Variants in ERBB4 observed in about 807,000 individuals in gnomAD.
ERBB4 encodes erb-b2 receptor tyrosine kinase 4.
Under a neutral mutation model 158.0 loss-of-function variants are expected in ERBB4, and 42 were observed. The ratio of observed to expected loss-of-function variants is 0.27; its 90% CI spans 0.21 to 0.34. The LOEUF (loss-of-function observed/expected upper bound fraction) is 0.34, where lower values mean the gene tolerates loss of function less well. Among genes scored for constraint, ERBB4 ranks in the 10% least tolerant of loss-of-function variants. The pLI is 1.00. For synonymous variants in ERBB4, 583 were observed against 558.7 expected (o/e 1.04, Z -0.61); for missense variants, 1,333 against 1,624.1 (o/e 0.82, Z 3.08).
chr2:212,169,671 C>T (rs1250888790), intron 1 of ERBB4, among the ~76,000 whole-genome samples: 2 of 152,148 alleles, frequency 1.3e-5, no homozygotes, highest in African/African-American at 4.8e-5. Flanking sequence ...TTGTAATCTC[C>T]ATAATTCCCG....
At chr2:212,245,823 G>T (rs2084287439) in intron 1 of ERBB4, among the ~76,000 whole-genome samples, 1 of 152,018 alleles carries the variant, frequency 6.6e-6, no homozygotes, top group African/African-American at 2.4e-5. Flanking sequence ...AGAGCCCTTT[G>T]CTCTTTTTCT....
chr2:211,740,033 A>T (rs528423359), intron 5 of ERBB4, among the ~76,000 whole-genome samples: 1 of 152,150 alleles, frequency 6.6e-6, no homozygotes, highest in African/African-American at 2.4e-5. Flanking sequence ...CTGTTCCCTC[A>T]TCCTCTCTGT....
chr2:212,333,476 T>C (rs1207649191), intron 1 of ERBB4, among the ~76,000 whole-genome samples: 1 of 150,984 alleles, frequency 6.6e-6, no homozygotes, highest in Non-Finnish European at 1.5e-5. Flanking sequence ...CCCAGGAGTT[T>C]GAGACCAGCC....
At chr2:212,170,821 G>A (rs1276535573) in intron 1 of ERBB4, among the ~76,000 whole-genome samples, 1 of 152,146 alleles carries the variant, frequency 6.6e-6, no homozygotes, top group Non-Finnish European at 1.5e-5. Flanking sequence ...GGAAACACCT[G>A]GATGTCCAGG....
chr2:212,455,319 A>T (rs111932574), intron 1 of ERBB4, among the ~76,000 whole-genome samples: 2 of 152,106 alleles, frequency 1.3e-5, no homozygotes, highest in African/African-American at 2.4e-5. Flanking sequence ...CCATTCTCTC[A>T]TTAGGTGATC....
chr2:211,452,991 C>A (rs2125482525), intron 20 of ERBB4, among the ~76,000 whole-genome samples: 1 of 152,302 alleles, frequency 6.6e-6, no homozygotes, highest in African/African-American at 2.4e-5. Context: ...AATTATAGGA[C>A]TTTTTCCTTC....
At chr2:212,244,236 A>AT (rs909582643) in intron 1 of ERBB4, among the ~76,000 whole-genome samples, 21 of 151,882 alleles carry the variant, frequency 1.4e-4, no homozygotes, top group Admixed American at 2.0e-4. Context: ...TAATGAAATC[A>AT]TTTTTTTTCC....
At chr2:212,284,604 A>C (rs2085888199) in intron 1 of ERBB4, among the ~76,000 whole-genome samples, 2 of 152,082 alleles carry the variant, frequency 1.3e-5, no homozygotes, top group African/African-American at 2.4e-5. Flanking sequence ...CTTTAAACTT[A>C]GCTCATGTTT....
At position 211,658,141 on chromosome 2, in the gene ERBB4, T is replaced by C. The variant is rs375513231; in HGVS notation, c.1872-313A>G. ...AATTTCAAGCCAGGAAGATTTTTGC[T>C]TGATGAATACACAGAAATGAATTGC... On this transcript the variant is annotated intron_variant, in intron 15 of 27. Coordinates refer to ENST00000342788, the MANE Select transcript of ERBB4 (RefSeq NM_005235.3). 3.1e-4 allele frequency: 171 copies of C among 546,274 alleles called. 1 individual carries two copies. The East Asian group carries it at 3.4e-3, about 11-fold the overall frequency. The allele number at this position is 546,274 out of a possible 1,614,324, so 33.8% of individuals were successfully genotyped here. A position where few individuals can be genotyped will look rare whatever the true frequency, so the allele number is the denominator to read the frequency against.
chr2:211,925,218 C>A (rs1296898767), intron 3 of ERBB4, among the ~76,000 whole-genome samples: 3 of 152,102 alleles, frequency 2.0e-5, no homozygotes, highest in Non-Finnish European at 4.4e-5. Context: ...CTGCCTTGCT[C>A]AAACAACATT....
intron 1 of ERBB4, among the ~76,000 whole-genome samples, chr2:212,287,241 CCT>C (rs1444029026): frequency 2.6e-5 from 4 of 152,048 alleles, no homozygotes; most frequent in Non-Finnish European, 5.9e-5. Context: ...TTTTTCTCCC[CCT>C]ACAACTGTCT....
At chr2:211,771,904 C>G (rs758846989) in intron 4 of ERBB4, among the ~76,000 whole-genome samples, 6 of 152,152 alleles carry the variant, frequency 3.9e-5, no homozygotes, top group Admixed American at 2.6e-4. Context: ...GTGGTAGTAC[C>G]TGGTGTACAA....
chr2:211,778,478 T>G (rs1378351358), intron 4 of ERBB4: 1 of 152,208 alleles, frequency 6.6e-6, no homozygotes, highest in Non-Finnish European at 1.5e-5. Context: ...ATGGTGATAC[T>G]AATCCTAATT....
chr2:211,773,019 G>A (rs1319885362), intron 4 of ERBB4, among the ~76,000 whole-genome samples: 1 of 143,974 alleles, frequency 6.9e-6, no homozygotes, highest in South Asian at 2.2e-4. Flanking sequence ...CCAGGCTTAA[G>A]GGAATCCTCC....
intron 3 of ERBB4, among the ~76,000 whole-genome samples, chr2:211,846,483 T>G (rs2077592650): frequency 6.6e-6 from 1 of 152,098 alleles, no homozygotes; most frequent in Admixed American, 6.6e-5. Context: ...TCCTCTCAGC[T>G]TAAATATTAA....
intron 25 of ERBB4, among the ~76,000 whole-genome samples, chr2:211,394,047 C>G (rs1178659925): frequency 6.6e-6 from 1 of 151,978 alleles, no homozygotes; most frequent in African/African-American, 2.4e-5. Context: ...TTCCTATGCC[C>G]TTTCCAAATA....
At chr2:212,291,327 G>T (rs532524759) in intron 1 of ERBB4, among the ~76,000 whole-genome samples, 2 of 151,990 alleles carry the variant, frequency 1.3e-5, no homozygotes, top group Admixed American at 1.3e-4. Context: ...TGATTCTAAC[G>T]AACAGTTATA....
At chr2:211,863,161 A>T (rs1382228282) in intron 3 of ERBB4, among the ~76,000 whole-genome samples, 2 of 148,620 alleles carry the variant, frequency 1.3e-5, no homozygotes, top group Non-Finnish European at 2.9e-5. Flanking sequence ...TAGCTAAAGG[A>T]TTGTAAACAC....
At chr2:211,988,512 G>C (rs1055041112) in intron 2 of ERBB4, among the ~76,000 whole-genome samples, 3 of 152,020 alleles carry the variant, frequency 2.0e-5, no homozygotes, top group African/African-American at 7.2e-5. Context: ...CAGTTATTTT[G>C]ATGCCAAATA....
Sources: gnomAD v4.1 joint callset for allele counts (sites outside exome capture counted in the v4.1 genomes callset) on GRCh38, gnomAD v4.1.1 for gene constraint, MANE v1.5 for transcripts, NCBI Gene and HGNC (gene_info 2026-07-23, HGNC 2026-07-21) for gene names.